N4BP2L1: variants seen among roughly 807,000 people sequenced by gnomAD.
The protein encoded by N4BP2L1 is NEDD4 binding protein 2 like 1.
In N4BP2L1, 12 loss-of-function variants were observed where a neutral mutation model predicts 21.2. The observed-to-expected ratio is 0.57, with a 90% CI of 0.36 to 0.92. The LOEUF is 0.92. N4BP2L1 is among the 40% of genes least tolerant of loss of function. The probability of loss-of-function intolerance (pLI) is 0.01; values close to 1 mark genes in which losing one functional copy is unlikely to be tolerated. For missense variants in N4BP2L1, 259 were observed against 310.6 expected, an observed-to-expected ratio of 0.83 and a Z score of 1.25; for synonymous variants, 104 against 112.8, an observed-to-expected ratio of 0.92 and a Z score of 0.49.
intron 1 of N4BP2L1, among the ~76,000 whole-genome samples, chr13:32,421,735 C>T (rs2074489105): frequency 6.6e-6 from 1 of 152,180 alleles, no homozygotes; most frequent in Admixed American, 6.5e-5. Flanking sequence ...GCCTTCTCCC[C>T]AAGCCATACA....
At chr13:32,427,768 T>TGGGGCC (rs1192362886) in intron 1 of N4BP2L1, 136 bp downstream of exon 1, 12 of 388,372 alleles carry the variant, frequency 3.1e-5, no homozygotes, top group East Asian at 8.0e-5. Context: ...GGGCTGGGGC[T>TGGGGCC]GGGGCCGGGG....
upstream of N4BP2L1, chr13:32,428,220 ACC>A: frequency 1.2e-6 from 1 of 814,886 alleles, no homozygotes. Flanking sequence ...CCTCCTTTCC[ACC>A]CGCCGGAACC....
chr13:32,419,910 C>A (rs2074380695), intron 1 of N4BP2L1, among the ~76,000 whole-genome samples: 1 of 152,216 alleles, frequency 6.6e-6, no homozygotes, highest in South Asian at 2.1e-4. Context: ...GATTCCATGG[C>A]TCAGCAGCCT....
chr13:32,423,368 C>A (rs2074588760), intron 1 of N4BP2L1, among the ~76,000 whole-genome samples: 1 of 152,144 alleles, frequency 6.6e-6, no homozygotes, highest in African/African-American at 2.4e-5. Context: ...CAAAAGGAAC[C>A]AGAACATTGC....
chr13:32,403,162 C>T lies in N4BP2L1; in HGVS notation c.512G>A (p.Arg171Gln), dbSNP rs766580917. The T allele has an allele frequency of 5.0e-6, 8 of 1,608,724 alleles. No homozygotes were observed. The highest frequency in any genetic ancestry group is 1.7e-4 in the Middle Eastern group (1 of 6,060). The change falls in exon 5 of 5, where the codon CGA becomes CAA. Residue 171 changes from arginine to glutamine, a missense_variant. Around this residue, in one of 3 missense-constraint regions of N4BP2L1, gnomAD observed 108 missense variants for 107.8 expected, o/e 1.00. Coordinates refer to ENST00000380130, the MANE Select transcript of N4BP2L1 (RefSeq NM_052818.3). ...IHGVSREKIH[R>Q]MKERYEHDVT... ...ATCGTGTTCATACCGTTCTTTCATTCGGTGGATTTTTTCTCTTGAGACACC... is the reference window on the plus strand; with the variant it reads ...ATCGTGTTCATACCGTTCTTTCATTTGGTGGATTTTTTCTCTTGAGACACC...
At chr13:32,410,690 T>C (rs1462902944) in intron 1 of N4BP2L1, among the ~76,000 whole-genome samples, 1 of 152,244 alleles carries the variant, frequency 6.6e-6, no homozygotes, top group African/African-American at 2.4e-5. Flanking sequence ...GTATATTTTA[T>C]ATTTGTGAAC....
At chr13:32,416,006 G>A (rs1234469582) in intron 1 of N4BP2L1, 1 of 152,172 alleles carries the variant, frequency 6.6e-6, no homozygotes, top group Non-Finnish European at 1.5e-5. Context: ...TTTGTTCACT[G>A]ATGATTCCCA....
rs1478859997 is a variant in N4BP2L1, at chr13:32,427,927, G to A, written c.156C>T (p.Gly52=). 1.4e-5 allele frequency: 22 copies of A among 1,523,590 alleles called. No homozygotes were observed. Among genetic ancestry groups the A allele is most frequent in the Non-Finnish European group, 1.9e-5 (21 of 1,134,318 alleles). The allele number at this position is 1,523,590 out of a possible 1,614,324, so 94.4% of individuals were successfully genotyped here. A position where few individuals can be genotyped will look rare whatever the true frequency, so the allele number is the denominator to read the frequency against. The change falls in exon 1 of 5, where the codon GGC becomes GGT. Residue 52 remains glycine, a synonymous_variant. Transcript: ENST00000380130. ...KHLYLLRGLP[G]SGKTTLARQL... is the part of the protein sequence containing the mutation. Reference sequence around the variant, plus strand: ...ACCTGGCCAGTGTAGTTTTCCCGGAGCCCGGGAGGCCTCGCAGGAGGTAGA... The same window carrying A: ...ACCTGGCCAGTGTAGTTTTCCCGGAACCCGGGAGGCCTCGCAGGAGGTAGA...
At position 32,402,783 on chromosome 13, in the gene N4BP2L1, A is replaced by G. The variant is rs1404872747; in HGVS notation, c.*159T>C. On this transcript the variant is annotated 3_prime_UTR_variant, in exon 5 of 5. Transcript: ENST00000380130. ...CATGCATATAGAAGCACTTTAACAAATTTTGGTGAAGAAAGTGAATATAAT... is the reference window on the plus strand; with the variant it reads ...CATGCATATAGAAGCACTTTAACAAGTTTTGGTGAAGAAAGTGAATATAAT... 1 of 1,401,950 alleles carries G rather than the reference A, an allele frequency of 7.1e-7. No homozygotes were observed. Among genetic ancestry groups the G allele is most frequent in the Non-Finnish European group, 9.3e-7 (1 of 1,077,316 alleles). The allele number at this position is 1,401,950 out of a possible 1,614,324, so 86.8% of individuals were successfully genotyped here.
chr13:32,415,867 C>A (rs1452700760), intron 1 of N4BP2L1: 1 of 152,184 alleles, frequency 6.6e-6, no homozygotes, highest in African/African-American at 2.4e-5. Flanking sequence ...TCCCAGAAAC[C>A]TTTACCGTGC....
chr13:32,429,247 TC>T (rs1380882958), upstream of N4BP2L1, among the ~76,000 whole-genome samples: 2 of 152,240 alleles, frequency 1.3e-5, no homozygotes, highest in African/African-American at 4.8e-5. Flanking sequence ...GCTGAGAACT[TC>T]CCCTTCCCCT....
At chr13:32,424,304 C>T (rs1006915737) in intron 1 of N4BP2L1, among the ~76,000 whole-genome samples, 1 of 152,274 alleles carries the variant, frequency 6.6e-6, no homozygotes, top group Non-Finnish European at 1.5e-5. Context: ...TTCGTTCAGC[C>T]ACCTCCTTCC....
Position 32,427,613 on chromosome 13 carries a change from C to G in N4BP2L1, c.179+291G>C, listed in dbSNP as rs548578967. Among the ~76,000 whole-genome samples the G allele has an allele frequency of 4.6e-5, 7 of 152,258 alleles. No individual in the cohort carries two copies. The East Asian group carries it at 1.4e-3, about 30-fold the overall frequency. ...CTTGCGCGAGGCGCAGTACGGGAAT[C>G]CGTCCCCCCCGGGACAGCGCGGCGG... On this transcript the variant is annotated intron_variant, in intron 1 of 4. Transcript: ENST00000380130.
chr13:32,412,938 T>C (rs2073939529), intron 1 of N4BP2L1, among the ~76,000 whole-genome samples: 2 of 152,316 alleles, frequency 1.3e-5, no homozygotes, highest in East Asian at 3.9e-4. Flanking sequence ...TATGTGTTTA[T>C]TTAGAGATGG....
At chr13:32,422,260 C>T (rs1207574598) in intron 1 of N4BP2L1, among the ~76,000 whole-genome samples, 1 of 152,090 alleles carries the variant, frequency 6.6e-6, no homozygotes, top group Non-Finnish European at 1.5e-5. Context: ...TTATAAGGCT[C>T]TTGTTTTTTC....
intron 1 of N4BP2L1, among the ~76,000 whole-genome samples, chr13:32,427,217 G>A (rs2074822474): frequency 6.6e-6 from 1 of 152,236 alleles, no homozygotes. Context: ...GTCGGTGGTG[G>A]CGCCGCCAGC....
At chr13:32,403,261 T>C in intron 4 of N4BP2L1, 61 bp from the exon 5 acceptor site, 1 of 1,512,558 alleles carries the variant, frequency 6.6e-7, no homozygotes, top group Non-Finnish European at 8.9e-7. Flanking sequence ...ACTTATATTT[T>C]ACAAGTCCTC....
At chr13:32,417,563 G>A (rs1363185444) in intron 1 of N4BP2L1, among the ~76,000 whole-genome samples, 1 of 152,148 alleles carries the variant, frequency 6.6e-6, no homozygotes, top group African/African-American at 2.4e-5. Context: ...TATTAGCAGT[G>A]TGAGAACGGC....
At position 32,405,793 on chromosome 13, in the gene N4BP2L1, A is replaced by G. The variant is rs368459285; in HGVS notation, c.397-1396T>C. 3.3e-5 allele frequency among the ~76,000 whole-genome samples: 5 copies of G among 152,136 alleles called. No individual in the cohort carries two copies. The East Asian group carries it at 5.8e-4, about 18-fold the overall frequency. ...TAGCCCCAGATGTAAAAAGAAGCCTAAAATCGTGAGCCCAGTCTGGACCTA... is the reference window on the plus strand; with the variant it reads ...TAGCCCCAGATGTAAAAAGAAGCCTGAAATCGTGAGCCCAGTCTGGACCTA... On this transcript the variant is annotated intron_variant, in intron 3 of 4. Coordinates refer to ENST00000380130, the MANE Select transcript of N4BP2L1 (RefSeq NM_052818.3).
Sources: allele counts gnomAD v4.1 joint callset (sites outside exome capture counted in the v4.1 genomes callset), GRCh38; gene constraint gnomAD v4.1.1; regional missense constraint gnomAD v4.1.1; transcripts MANE v1.5; gene names NCBI Gene and HGNC (gene_info 2026-07-23, HGNC 2026-07-21).